ASIC2: variants seen among roughly 807,000 people sequenced by gnomAD.
The protein encoded by ASIC2 is acid-sensing ion channel 2.
ASIC2 carries 25 observed loss-of-function variants against 57.3 expected under a neutral mutation model. The ratio of observed to expected loss-of-function variants is 0.44; its 90% CI spans 0.32 to 0.61. The LOEUF (loss-of-function observed/expected upper bound fraction) is 0.61, where lower values mean the gene tolerates loss of function less well. Among genes scored for constraint, ASIC2 ranks in the 20% least tolerant of loss-of-function variants. The pLI is 0.06. For missense variants in ASIC2, 641 were observed against 738.1 expected, an observed-to-expected ratio of 0.87 and a Z score of 1.52; for synonymous variants, 319 against 307.5, an observed-to-expected ratio of 1.04 and a Z score of -0.39.
intron 1 of ASIC2, among the ~76,000 whole-genome samples, chr17:33,892,619 C>T (rs1022064905): frequency 9.2e-5 from 14 of 152,216 alleles, no homozygotes; most frequent in Non-Finnish European, 1.5e-4. Context: ...AGCATGCCTT[C>T]CTCACTGGAC....
At chr17:33,617,739 A>G (rs190583485) in intron 1 of ASIC2, among the ~76,000 whole-genome samples, 9 of 152,346 alleles carry the variant, frequency 5.9e-5, no homozygotes, top group South Asian at 2.1e-4. Context: ...AACACAAAAT[A>G]GATAAGTTCC....
chr17:33,240,288 G>C (rs1295127277), intron 1 of ASIC2, among the ~76,000 whole-genome samples: 1 of 152,064 alleles, frequency 6.6e-6, no homozygotes, highest in Non-Finnish European at 1.5e-5. Flanking sequence ...TCCCAGGCCA[G>C]AGCAGCTTCA....
intron 1 of ASIC2, among the ~76,000 whole-genome samples, chr17:33,412,925 G>T (rs760154025): frequency 3.9e-5 from 6 of 152,158 alleles, no homozygotes; most frequent in South Asian, 4.1e-4. Context: ...TGAGAAGAGC[G>T]TGCAAGGAAC....
intron 1 of ASIC2, among the ~76,000 whole-genome samples, chr17:33,229,759 CT>C (rs1908020722): frequency 6.6e-6 from 1 of 152,196 alleles, no homozygotes; most frequent in South Asian, 2.1e-4. Flanking sequence ...GAACAAGCTG[CT>C]TTTCCAGTTT....
chr17:33,579,796 TGAAAAACAC>T (rs1417497975), intron 1 of ASIC2, among the ~76,000 whole-genome samples: 1 of 152,032 alleles, frequency 6.6e-6, no homozygotes, highest in African/African-American at 2.4e-5. Context: ...TACCACACCG[TGAAAAACAC>T]CCCTTGGATT....
intron 1 of ASIC2, among the ~76,000 whole-genome samples, chr17:33,568,050 T>A (rs1238253167): frequency 1.3e-5 from 2 of 152,214 alleles, no homozygotes; most frequent in African/African-American, 4.8e-5. Flanking sequence ...TATATTTGAT[T>A]ACTCTTCAAA....
At chr17:33,536,918 G>A (rs1915250901) in intron 1 of ASIC2, among the ~76,000 whole-genome samples, 1 of 152,096 alleles carries the variant, frequency 6.6e-6, no homozygotes, top group African/African-American at 2.4e-5. Context: ...TGCTGAGGTG[G>A]AGGAATCACC....
chr17:33,677,534 G>A (rs1284786604), intron 1 of ASIC2, among the ~76,000 whole-genome samples: 1 of 152,228 alleles, frequency 6.6e-6, no homozygotes. Context: ...CATTCTAGAT[G>A]CCATTAAGAA....
chr17:33,613,236 A>G (rs531836090), intron 1 of ASIC2, among the ~76,000 whole-genome samples: 2 of 152,184 alleles, frequency 1.3e-5, no homozygotes, highest in Non-Finnish European at 2.9e-5. Flanking sequence ...AGAACCTTCA[A>G]ATAAAATAGA....
chr17:33,166,833 C>G (rs961532730), intron 1 of ASIC2, among the ~76,000 whole-genome samples: 2 of 152,222 alleles, frequency 1.3e-5, no homozygotes, highest in Non-Finnish European at 2.9e-5. Flanking sequence ...CAGAGAATGT[C>G]AAATTCAGCT....
intron 1 of ASIC2, among the ~76,000 whole-genome samples, chr17:33,187,858 A>G (rs907603205): frequency 8.6e-5 from 13 of 151,712 alleles, no homozygotes; most frequent in African/African-American, 3.1e-4. Context: ...ACATCCAACA[A>G]CATGACATTC....
intron 1 of ASIC2, among the ~76,000 whole-genome samples, chr17:33,322,556 GATTCATTC>G (rs140918105): frequency 4.7e-4 from 71 of 152,220 alleles, no homozygotes; most frequent in African/African-American, 1.7e-3. Context: ...CCAGTAGAAA[GATTCATTC>G]ATTCATTCAT....
chr17:33,018,384 T>C (rs2091818476), intron 7 of ASIC2, among the ~76,000 whole-genome samples: 1 of 152,220 alleles, frequency 6.6e-6, no homozygotes, highest in Admixed American at 6.5e-5. Context: ...GGTCTGGATG[T>C]CGGGATTTTT....
intron 1 of ASIC2, among the ~76,000 whole-genome samples, chr17:33,883,474 A>G (rs1361705215): frequency 6.6e-6 from 1 of 152,210 alleles, no homozygotes; most frequent in African/African-American, 2.4e-5. Flanking sequence ...CTGTAGACTC[A>G]TCAGATACAG....
chr17:34,113,535 T>C lies in ASIC2; in HGVS notation c.555+42443A>G, dbSNP rs549004888. On this transcript the variant is annotated intron_variant, in intron 1 of 9. Coordinates refer to the ASIC2 transcript ENST00000359872. ...ATGATTGCACTACTGCACTACAGCC[T>C]ATGGCAACAGAACAAAACTCTGTCT... 6.7e-5 allele frequency among the ~76,000 whole-genome samples: 10 copies of C among 150,216 alleles called. No individual in the cohort carries two copies. The South Asian group carries it at 1.9e-3, about 29-fold the overall frequency.
intron 1 of ASIC2, among the ~76,000 whole-genome samples, chr17:33,284,752 C>T (rs1905080493): frequency 6.6e-6 from 1 of 152,142 alleles, no homozygotes; most frequent in Non-Finnish European, 1.5e-5. Context: ...TGAGCCTCGG[C>T]TTTCTCATCT....
intron 1 of ASIC2, among the ~76,000 whole-genome samples, chr17:33,893,895 C>T (rs1218577069): frequency 6.6e-6 from 1 of 152,178 alleles, no homozygotes; most frequent in Non-Finnish European, 1.5e-5. Context: ...ATTGGTGACC[C>T]TCTCCATTTG....
chr17:33,596,322 T>C lies in ASIC2; in HGVS notation c.556-484255A>G, dbSNP rs750038311. Among the ~76,000 whole-genome samples, 31 of 152,358 alleles carry C rather than the reference T, an allele frequency of 2.0e-4. 1 individual carries two copies. Among genetic ancestry groups the C allele is most frequent in the Non-Finnish European group, 3.8e-4 (26 of 68,038 alleles). On this transcript the variant is annotated intron_variant, in intron 1 of 9. Coordinates refer to the ASIC2 transcript ENST00000359872. ...TCCATATTCAGTTACCAAACAGTTA[T>C]TCGTATTTAAACTCCCAGGAAAATG...
intron 1 of ASIC2, among the ~76,000 whole-genome samples, chr17:33,947,912 T>G (rs188638945): frequency 2.0e-5 from 3 of 152,350 alleles, no homozygotes; most frequent in Non-Finnish European, 4.4e-5. Flanking sequence ...ATAACTAATA[T>G]TTACTGGATA....
Sources: gnomAD v4.1 joint callset for allele counts (sites outside exome capture counted in the v4.1 genomes callset) on GRCh38, gnomAD v4.1.1 for gene constraint, MANE v1.5 for transcripts, NCBI Gene and HGNC (gene_info 2026-07-23, HGNC 2026-07-21) for gene names.